The following HK1 variants were observed in gnomAD, a reference collection of about 807,000 sequenced individuals.
The protein encoded by HK1 is hexokinase 1.
Under a neutral mutation model 91.6 loss-of-function variants are expected in HK1, and 28 were observed. The observed-to-expected ratio is 0.31, with a 90% CI of 0.23 to 0.42. The LOEUF is 0.42. HK1 is among the 10% of genes least tolerant of loss of function. HK1 has a pLI of 1.00. For missense variants in HK1, 770 were observed against 1,219.8 expected, an observed-to-expected ratio of 0.63 and a Z score of 5.49; for synonymous variants, 430 against 468.1, an observed-to-expected ratio of 0.92 and a Z score of 1.05.
At chr10:69,298,640 A>C (rs1488989610) in intron 4 of HK1, among the ~76,000 whole-genome samples, 1 of 151,930 alleles carries the variant, frequency 6.6e-6, no homozygotes, top group South Asian at 2.1e-4. Context: ...AAGGAAAAAA[A>C]AAAGTAGAAG....
intron 1 of HK1, among the ~76,000 whole-genome samples, chr10:69,342,664 G>T (rs1564526661): frequency 6.6e-6 from 1 of 152,200 alleles, no homozygotes; most frequent in Non-Finnish European, 1.5e-5. Flanking sequence ...AGAGGCTGAT[G>T]CTGCAGTGGT....
intron 7 of HK1, among the ~76,000 whole-genome samples, chr10:69,371,635 G>T (rs542462317): frequency 2.0e-5 from 3 of 152,200 alleles, no homozygotes; most frequent in Non-Finnish European, 4.4e-5. Flanking sequence ...GTGGTAACTC[G>T]ACAGGTAATG....
chr10:69,336,637 C>CTTTTT (rs56893382), intron 1 of HK1, among the ~76,000 whole-genome samples: 7 of 114,152 alleles, frequency 6.1e-5, no homozygotes, highest in African/African-American at 1.5e-4. Context: ...TGGTAGATGC[C>CTTTTT]TTTTTTTTTT....
chr10:69,354,186 G>GAAAAACAT (rs1482901266), intron 2 of HK1, among the ~76,000 whole-genome samples: 1 of 151,992 alleles, frequency 6.6e-6, no homozygotes, highest in Non-Finnish European at 1.5e-5. Context: ...TAGAGAAAAG[G>GAAAAACAT]AAAAACATAC....
chr10:69,376,163 C>T (rs1393930285), intron 7 of HK1, among the ~76,000 whole-genome samples: 1 of 152,264 alleles, frequency 6.6e-6, no homozygotes, highest in Non-Finnish European at 1.5e-5. Flanking sequence ...CCTTTCTGAG[C>T]TGGGAAATGG....
intron 1 of HK1, among the ~76,000 whole-genome samples, chr10:69,333,091 C>G (rs1301838521): frequency 1.3e-5 from 2 of 152,182 alleles, no homozygotes; most frequent in African/African-American, 4.8e-5. Context: ...TATGTGAGGC[C>G]AGAAGGCAGA....
chr10:69,293,979 A>G (rs1416431685), intron 3 of HK1, among the ~76,000 whole-genome samples: 2 of 144,316 alleles, frequency 1.4e-5, no homozygotes, highest in African/African-American at 2.6e-5. Context: ...CTCCTGCCTC[A>G]GCCTCCCGAG....
intron 5 of HK1, among the ~76,000 whole-genome samples, chr10:69,307,132 C>T (rs187621938): frequency 1.4e-3 from 218 of 152,190 alleles, no homozygotes; most frequent in African/African-American, 4.8e-3. Context: ...AATATAATCA[C>T]GAACTTGGGA....
In HK1 at chr10:69,276,090, CAAAAAAAAAAA is replaced by C. The variant is rs60324656; in HGVS notation, c.-391+6001_-391+6011del. The stretch of plus-strand genomic sequence containing the variant: ...GGGCAGCAAGAGCAAAACTCCTTTT[CAAAAAAAAAAA>C]AAAAAAAAAAAAAAAAAATACATAT... On this transcript the variant is annotated intron_variant, in intron 1 of 21. Coordinates refer to the HK1 transcript ENST00000360289. Among the ~76,000 whole-genome samples, 29 of 15,946 alleles carry C rather than the reference CAAAAAAAAAAA, an allele frequency of 1.8e-3. 1 individual carries two copies. The highest frequency in any genetic ancestry group is 0.016 in the South Asian group (3 of 192). The allele number at this position is 15,946 out of a possible 152,430, so 10.5% of individuals were successfully genotyped here.
chr10:69,328,203 G>A (rs1286014953), intron 1 of HK1, among the ~76,000 whole-genome samples: 1 of 152,198 alleles, frequency 6.6e-6, no homozygotes, highest in African/African-American at 2.4e-5. Flanking sequence ...CACGTGGCAG[G>A]GAAAACTGAA....
chr10:69,319,020 C>G lies in HK1; in HGVS notation c.63+10C>G. 1 of 1,592,580 alleles carries G rather than the reference C, an allele frequency of 6.3e-7. No homozygotes were observed. The highest frequency in any genetic ancestry group is 8.5e-7 in the Non-Finnish European group (1 of 1,170,414). On this transcript the variant is annotated intron_variant, in intron 1 of 17. Transcript: ENST00000359426. ...TGACCAGGTCAAAAAGGTGAGCCCC[C>G]GCCCGCGCCGCCGCTGGTCCTGGCC...
At position 69,401,187 on chromosome 10, in the gene HK1, G is replaced by A. The variant is rs1161004082; in HGVS notation, c.*52G>A. The A allele has an allele frequency of 1.9e-6, 3 of 1,579,242 alleles. No homozygotes were observed. The highest frequency in any genetic ancestry group is 2.1e-4 in the Middle Eastern group (1 of 4,858). On this transcript the variant is annotated 3_prime_UTR_variant, in exon 18 of 18. Transcript: ENST00000359426. ...TCTCCAGCACTTCTCTCTTCAAGCGGCGACCCCCTACCCTCCCAGCGAGTT... is the reference window on the plus strand; with the variant it reads ...TCTCCAGCACTTCTCTCTTCAAGCGACGACCCCCTACCCTCCCAGCGAGTT...
intron 15 of HK1, among the ~76,000 whole-genome samples, chr10:69,392,615 C>T (rs1317945418): frequency 6.6e-6 from 1 of 152,134 alleles, no homozygotes; most frequent in Non-Finnish European, 1.5e-5. Context: ...ATCAGAATAA[C>T]AAGGGGGTGG....
chr10:69,286,482 G>A (rs1589437421), intron 2 of HK1, among the ~76,000 whole-genome samples: 2 of 152,266 alleles, frequency 1.3e-5, no homozygotes, highest in African/African-American at 4.8e-5. Flanking sequence ...TGACAGAGCA[G>A]GACGCTGTCT....
chr10:69,274,309 T>C (rs183628315), intron 1 of HK1, among the ~76,000 whole-genome samples: 42 of 152,202 alleles, frequency 2.8e-4, no homozygotes, highest in Non-Finnish European at 4.7e-4. Context: ...ATTTAAAAAA[T>C]ACTTTTGCCC....
chr10:69,288,776 C>T (rs1295432783), intron 3 of HK1: 1 of 1,612,340 alleles, frequency 6.2e-7, no homozygotes, highest in African/African-American at 1.3e-5. Flanking sequence ...AATCGGTAAG[C>T]TCTGGTGTTT....
At chr10:69,347,307 G>A (rs534061330) in intron 2 of HK1, among the ~76,000 whole-genome samples, 3 of 152,028 alleles carry the variant, frequency 2.0e-5, no homozygotes, top group African/African-American at 7.2e-5. Flanking sequence ...TACTGCGCCC[G>A]GCCACACATT....
intron 2 of HK1, 80 bp from the exon 3 acceptor site, chr10:69,359,817 C>A: frequency 1.4e-6 from 2 of 1,398,154 alleles, no homozygotes; most frequent in Non-Finnish European, 2.0e-6. Context: ...AGGGCCTACG[C>A]CCTGCCAGGA....
rs549716026 is a variant in HK1, at chr10:69,366,078, G to C, written c.495+1176G>C. On this transcript the variant is annotated intron_variant, in intron 4 of 17. Coordinates refer to ENST00000359426, the MANE Select transcript of HK1 (RefSeq NM_000188.3). ...ACTCCTGACCTTAGGTGATCCGCCT[G>C]CCTCGGCCCCTCAAAGTGCTGGGAT... Among the ~76,000 whole-genome samples, 3 of 152,142 alleles carry C rather than the reference G, an allele frequency of 2.0e-5. No individual in the cohort carries two copies. The South Asian group carries it at 6.2e-4, about 32-fold the overall frequency.
Sources: gnomAD v4.1 joint callset for allele counts (sites outside exome capture counted in the v4.1 genomes callset) on GRCh38, gnomAD v4.1.1 for gene constraint, MANE v1.5 for transcripts, NCBI Gene and HGNC (gene_info 2026-07-23, HGNC 2026-07-21) for gene names.